DISP1: variants seen among roughly 807,000 people sequenced by gnomAD.
The protein encoded by DISP1 is protein dispatched homolog 1.
Under a neutral mutation model 37.3 loss-of-function variants are expected in DISP1, and 30 were observed. The observed-to-expected ratio is 0.80, with a 90% CI of 0.60 to 1.09. The LOEUF (loss-of-function observed/expected upper bound fraction) is 1.09, where lower values mean the gene tolerates loss of function less well. Among genes scored for constraint, DISP1 ranks in the 50% least tolerant of loss-of-function variants. DISP1 has a pLI of 0.00. For synonymous variants in DISP1, 634 were observed against 690.2 expected (o/e 0.92, Z 1.28); for missense variants, 1,598 against 1,879.5 (o/e 0.85, Z 2.77).
chr1:222,864,479 CA>C (rs1393227821), intron 1 of DISP1, among the ~76,000 whole-genome samples: 9 of 151,906 alleles, frequency 5.9e-5, no homozygotes, highest in Non-Finnish European at 1.2e-4. Context: ...GGAGTCCTCT[CA>C]TTTTTTTTTG....
At chr1:222,946,877 G>A (rs1674821651) in intron 3 of DISP1, among the ~76,000 whole-genome samples, 1 of 152,140 alleles carries the variant, frequency 6.6e-6, no homozygotes, top group Non-Finnish European at 1.5e-5. Context: ...AGAGAGAGTG[G>A]TAGCAAGAGG....
intron 3 of DISP1, among the ~76,000 whole-genome samples, chr1:222,965,441 ACTT>A (rs1265994098): frequency 1.3e-5 from 2 of 152,056 alleles, no homozygotes; most frequent in Non-Finnish European, 2.9e-5. Flanking sequence ...CTGGAGTCTA[ACTT>A]CTTCTGTCAC....
intron 1 of DISP1, among the ~76,000 whole-genome samples, chr1:222,878,266 G>A (rs747805443): frequency 3.3e-5 from 5 of 152,124 alleles, no homozygotes; most frequent in Non-Finnish European, 5.9e-5. Context: ...GAGTGAAGAC[G>A]CAGAAACCAG....
At chr1:222,870,793 A>G (rs1273442652) in intron 1 of DISP1, among the ~76,000 whole-genome samples, 1 of 152,130 alleles carries the variant, frequency 6.6e-6, no homozygotes, top group Non-Finnish European at 1.5e-5. Context: ...TCTTTAGTTT[A>G]ATTAGATGCC....
At chr1:222,842,730 A>G (rs1667685389) in intron 1 of DISP1, among the ~76,000 whole-genome samples, 1 of 152,070 alleles carries the variant, frequency 6.6e-6, no homozygotes, top group Non-Finnish European at 1.5e-5. Context: ...TAATGGTACT[A>G]AGAAGTCCTG....
chr1:222,917,315 C>T (rs751521441), intron 1 of DISP1, among the ~76,000 whole-genome samples: 1 of 152,118 alleles, frequency 6.6e-6, no homozygotes, highest in South Asian at 2.1e-4. Context: ...CAGGGGCGAA[C>T]AGGGACAGAT....
In DISP1 at chr1:222,877,166, A is replaced by G. The variant is rs547947394; in HGVS notation, c.-158-51264A>G. Among the ~76,000 whole-genome samples the G allele has an allele frequency of 2.0e-5, 3 of 152,260 alleles. No individual in the cohort carries two copies. In the East Asian group the frequency reaches 5.8e-4, roughly 29 times the overall value. ...ATGGGGATAATAATGTCTTCATCCC[A>G]GTTTGTTGTGAGGAATAAACAGCTT... On this transcript the variant is annotated intron_variant, in intron 1 of 8. Coordinates refer to ENST00000675850, the MANE Select transcript of DISP1 (RefSeq NM_001377229.1).
intron 1 of DISP1, among the ~76,000 whole-genome samples, chr1:222,926,961 G>T (rs955396743): frequency 1.3e-5 from 2 of 152,090 alleles, no homozygotes; most frequent in Non-Finnish European, 2.9e-5. Flanking sequence ...GCACCATGAG[G>T]ATTATTTGGG....
intron 1 of DISP1, among the ~76,000 whole-genome samples, chr1:222,861,428 G>C (rs1668875222): frequency 6.6e-6 from 1 of 152,214 alleles, no homozygotes; most frequent in Non-Finnish European, 1.5e-5. Flanking sequence ...TCAGTGGCTA[G>C]CTAGTAGTAT....
chr1:222,937,468 G>A (rs1674037366), intron 2 of DISP1, among the ~76,000 whole-genome samples: 1 of 152,094 alleles, frequency 6.6e-6, no homozygotes, highest in Non-Finnish European at 1.5e-5. Flanking sequence ...CATACATAGT[G>A]TTATATATAC....
At chr1:222,938,778 A>G (rs1421122834) in intron 2 of DISP1, among the ~76,000 whole-genome samples, 1 of 144,904 alleles carries the variant, frequency 6.9e-6, no homozygotes, top group Non-Finnish European at 1.5e-5. Context: ...GAAGGAAGGA[A>G]GGAAGGACGG....
At position 222,824,615 on chromosome 1, in the gene DISP1, C is replaced by CT. The variant is rs201647940; in HGVS notation, c.-159+9548dup. 4.4e-3 allele frequency among the ~76,000 whole-genome samples: 638 copies of CT among 146,364 alleles called. 11 individuals carry two copies. Among genetic ancestry groups the CT allele is most frequent in the East Asian group, 0.044 (219 of 5,026 alleles). ...CTTTAAGTATTTGTTAAATGTAATTCTTTTTTTTTTTCCAGGATGGTACCA... is the reference window on the plus strand; with the variant it reads ...CTTTAAGTATTTGTTAAATGTAATTCTTTTTTTTTTTTCCAGGATGGTACCA... On this transcript the variant is annotated intron_variant, in intron 1 of 8. Transcript: ENST00000675850.
intron 3 of DISP1, among the ~76,000 whole-genome samples, chr1:222,964,297 C>CAA (rs11434945): frequency 0.57 from 78,994 of 138,758 alleles, 22,649 homozygotes; most frequent in Admixed American, 0.62. Flanking sequence ...GACTCTATCT[C>CAA]AAAAAAAAAA....
chr1:222,985,363 T>A (rs1285226089), intron 4 of DISP1, among the ~76,000 whole-genome samples: 1 of 152,166 alleles, frequency 6.6e-6, no homozygotes, highest in African/African-American at 2.4e-5. Context: ...AAAAAACACA[T>A]ATTTTTGGCC....
intron 2 of DISP1, among the ~76,000 whole-genome samples, chr1:222,931,473 C>T: frequency 6.6e-6 from 1 of 151,878 alleles, no homozygotes; most frequent in African/African-American, 2.4e-5. Flanking sequence ...TAAAGCCGCC[C>T]ATTTTGTGAT....
rs183108559 is a variant in DISP1, at chr1:222,875,413, A to T, written c.-158-53017A>T. 1.4e-3 allele frequency among the ~76,000 whole-genome samples: 217 copies of T among 152,244 alleles called. 2 individuals carry two copies. Among genetic ancestry groups the T allele is most frequent in the African/African-American group, 5.0e-3 (209 of 41,530 alleles). The stretch of plus-strand genomic sequence containing the variant: ...TATTAAAGACATTAAACTATAAAAT[A>T]TACTACAAATTATTGTGACTCTTAT... On this transcript the variant is annotated intron_variant, in intron 1 of 8. Coordinates refer to ENST00000675850, the MANE Select transcript of DISP1 (RefSeq NM_001377229.1).
In DISP1 at chr1:223,002,878, G is replaced by A; in HGVS notation, c.1481G>A (p.Ser494Asn). ...GGGATTGAGTTTGGTATCAAACACA[G>A]TTTGTTTCAGGATTATCTTCTAATG... ...ITGIEFGIKH[S>N]LFQDYLLMDT... Residue 494 changes from serine to asparagine, a missense_variant, in exon 9 of 9, where the codon AGT becomes AAT. Ser to Asn is a conservative substitution (Grantham distance 46). Transcript: ENST00000675850. 6.2e-7 allele frequency: 1 copy of A among 1,613,932 alleles called. No individual in the cohort carries two copies. The highest frequency in any genetic ancestry group is 8.5e-7 in the Non-Finnish European group (1 of 1,180,030).
chr1:222,867,515 G>A (rs1461019196), intron 1 of DISP1, among the ~76,000 whole-genome samples: 2 of 152,080 alleles, frequency 1.3e-5, no homozygotes, highest in African/African-American at 2.4e-5. Context: ...GTACACAAAG[G>A]TTCTTTTAGT....
At chr1:222,897,573 T>C (rs1463705443) in intron 1 of DISP1, among the ~76,000 whole-genome samples, 1 of 152,178 alleles carries the variant, frequency 6.6e-6, no homozygotes, top group Non-Finnish European at 1.5e-5. Flanking sequence ...AAAGCCTTTG[T>C]CGGCTAAATT....
Sources: allele counts gnomAD v4.1 joint callset (sites outside exome capture counted in the v4.1 genomes callset), GRCh38; gene constraint gnomAD v4.1.1; transcripts MANE v1.5; gene names NCBI Gene and HGNC (gene_info 2026-07-23, HGNC 2026-07-21).